Variants in MICALL2 observed in about 807,000 individuals in gnomAD.
MICALL2 encodes MICAL-like protein 2.
Under a neutral mutation model 91.1 loss-of-function variants are expected in MICALL2, and 111 were observed. The observed-to-expected ratio is 1.22, with a 90% CI of 1.04 to 1.43. MICALL2 has a LOEUF of 1.43. MICALL2 is among the 40% of genes most tolerant of loss of function. MICALL2 has a pLI of 0.00. For missense variants in MICALL2, 1,556 were observed against 1,236.0 expected (o/e 1.26, Z -3.88); for synonymous variants, 694 against 525.3 (o/e 1.32, Z -4.39).
chr7:1,446,276 A>G (rs911194872), intron 5 of MICALL2, among the ~76,000 whole-genome samples: 42 of 20,550 alleles, frequency 2.0e-3, no homozygotes, highest in South Asian at 4.0e-3. Flanking sequence ...GGAGGGAGAG[A>G]AGGGGGGAGG....
Position 1,450,308 on chromosome 7 carries a change from T to C in MICALL2, c.144-20A>G, listed in dbSNP as rs774450161. 1.2e-6 allele frequency: 2 copies of C among 1,610,492 alleles called. No homozygotes were observed. Among genetic ancestry groups the C allele is most frequent in the Non-Finnish European group, 1.7e-6 (2 of 1,177,714 alleles). The stretch of plus-strand genomic sequence containing the variant: ...AAGTTTCTGGAAGATAAAAACATGA[T>C]GTCCAAAGCAGCTCAGAGTCCACGA... On this transcript the variant is annotated intron_variant, in intron 1 of 16. Coordinates refer to ENST00000297508, the MANE Select transcript of MICALL2 (RefSeq NM_182924.4).
Position 1,440,630 on chromosome 7 carries a change from G to A in MICALL2, c.1766C>T (p.Ala589Val), listed in dbSNP as rs754921572. The A allele has an allele frequency of 1.3e-5, 21 of 1,612,638 alleles. No individual in the cohort carries two copies. The highest frequency in any genetic ancestry group is 3.3e-5 in the Admixed American group (2 of 60,020). ...GQEDGPAGWR[A>V]NLKPVDRRSP... ...TCTCCTGTCCACGGGCTTCAGATTC[G>A]CTCTCCATCCTGCCGGCCCGTCCTC... is the stretch of plus-strand genomic sequence containing the variant. The change falls in exon 8 of 17, where the codon GCG becomes GTG. Residue 589 changes from alanine to valine, a missense_variant. By Grantham distance (64) the Ala-to-Val change is moderately conservative. Transcript: ENST00000297508.
At position 1,444,639 on chromosome 7, in the gene MICALL2, C is replaced by T. The variant is rs1294170060; in HGVS notation, c.1418+13G>A. 6.2e-7 allele frequency: 1 copy of T among 1,604,644 alleles called. No homozygotes were observed. The highest frequency in any genetic ancestry group is 1.9e-4 in the Middle Eastern group (1 of 5,334). ...AGGCCATACCCGGGGTCCCTCGGTCCCCACGCGCTCACCTGCCAGGCGCCG... is the reference window on the plus strand; with the variant it reads ...AGGCCATACCCGGGGTCCCTCGGTCTCCACGCGCTCACCTGCCAGGCGCCG... On this transcript the variant is annotated intron_variant, in intron 6 of 16. Coordinates refer to ENST00000297508, the MANE Select transcript of MICALL2 (RefSeq NM_182924.4).
chr7:1,459,093 C>G, intron 1 of MICALL2, 91 bp downstream of exon 1: 10 of 1,372,438 alleles, frequency 7.3e-6, no homozygotes, highest in Non-Finnish European at 9.9e-6. Context: ...CTCGGCTCCC[C>G]ATCCCCCAGC....
At position 1,439,704 on chromosome 7, in the gene MICALL2, A is replaced by G. The variant is rs370778520; in HGVS notation, c.1966+221T>C. On this transcript the variant is annotated intron_variant, in intron 9 of 16. Transcript: ENST00000297508. ...ACACATGCGCACACATGCATCACGC[A>G]TGGATACAGGCATCACATACATGAA... The G allele has an allele frequency of 2.8e-5, 12 of 434,794 alleles. No homozygotes were observed. In the East Asian group the frequency reaches 2.9e-4, roughly 10 times the overall value. The allele number at this position is 434,794 out of a possible 1,614,324, so 26.9% of individuals were successfully genotyped here.
Position 1,459,330 on chromosome 7 carries a change from GGCGGCGCGCCCGCCGC to G in MICALL2, c.-20_-5del. On this transcript the variant is annotated 5_prime_UTR_variant, in exon 1 of 17. Coordinates refer to ENST00000297508, the MANE Select transcript of MICALL2 (RefSeq NM_182924.4). ...GCAGCGCCCTGATGGCCGCCATGTG[GGCGGCGCGCCCGCCGC>G]GCGGCGGAACCGCCCTCCGACACCT... is the stretch of plus-strand genomic sequence containing the variant. The G allele has an allele frequency of 6.6e-7, 1 of 1,524,834 alleles. No homozygotes were observed. The highest frequency in any genetic ancestry group is 8.8e-7 in the Non-Finnish European group (1 of 1,139,402). 94.5% of individuals were successfully genotyped at this position (1,524,834 alleles called of 1,614,324 possible).
Position 1,437,595 on chromosome 7 carries a change from G to C in MICALL2, c.2416C>G (p.Arg806Gly). 6.5e-7 allele frequency: 1 copy of C among 1,538,606 alleles called. No homozygotes were observed. The highest frequency in any genetic ancestry group is 8.7e-7 in the Non-Finnish European group (1 of 1,146,066). ...ATGTCCAGCTGCTGCTCCTCCAGACGCTGGGCCTTGGACCTGCCGCACAGA... is the reference window on the plus strand; with the variant it reads ...ATGTCCAGCTGCTGCTCCTCCAGACCCTGGGCCTTGGACCTGCCGCACAGA... ...SELMYKSKAQ[R>G]LEEQQLDIEG... The change falls in exon 14 of 17, where the codon CGT becomes GGT. Residue 806 changes from arginine to glycine, a missense_variant. By Grantham distance (125) the Arg-to-Gly change is moderately radical. Coordinates refer to ENST00000297508, the MANE Select transcript of MICALL2 (RefSeq NM_182924.4).
chr7:1,447,823 T>C, intron 3 of MICALL2, 58 bp from the exon 4 acceptor site: 1 of 1,344,778 alleles, frequency 7.4e-7, no homozygotes, highest in African/African-American at 1.5e-5. Context: ...AAGGGTCTAG[T>C]CCCTCCAGAG....
At chr7:1,435,820 T>C (rs531289199) in intron 15 of MICALL2, among the ~76,000 whole-genome samples, 59 of 151,664 alleles carry the variant, frequency 3.9e-4, no homozygotes, top group Admixed American at 9.8e-4. Context: ...TTTGGGAGGC[T>C]GAGGCGGGCG....
intron 8 of MICALL2, 94 bp downstream of exon 8, chr7:1,440,497 G>A (rs1450113655): frequency 1.6e-5 from 18 of 1,134,770 alleles, no homozygotes; most frequent in Non-Finnish European, 1.8e-5. Context: ...GTCTATCCCT[G>A]GATAGGCGTG....
chr7:1,444,526 G>T, intron 6 of MICALL2, 126 bp downstream of exon 6: 2 of 922,590 alleles, frequency 2.2e-6, no homozygotes, highest in Non-Finnish European at 3.2e-6. Context: ...ACAGGCTGGG[G>T]GAAGTGCAGT....
chr7:1,449,693 A>G (rs952729325), intron 2 of MICALL2, among the ~76,000 whole-genome samples: 1 of 152,374 alleles, frequency 6.6e-6, no homozygotes, highest in East Asian at 1.9e-4. Flanking sequence ...AGCACAGGAC[A>G]TGCCTGCAGG....
At position 1,438,289 on chromosome 7, in the gene MICALL2, C is replaced by A; in HGVS notation, c.2187G>T (p.Arg729Ser). The A allele has an allele frequency of 6.3e-7, 1 of 1,597,878 alleles. No individual in the cohort carries two copies. Among genetic ancestry groups the A allele is most frequent in the Non-Finnish European group, 8.5e-7 (1 of 1,172,878 alleles). The part of the protein sequence containing the change: ...LPGETVTSPV[R>S]LHPDYLSPEE... ...TGCCCGGCTCCCCACCACTACTCAC[C>A]CTGACTGGGGAGGTCACCGTCTCGC... The change falls in exon 11 of 17, where the codon AGG (arginine) becomes AGT (serine). Residue 729 changes from arginine (R) to serine (S), a missense_variant and splice_region_variant. Physicochemically the swap from Arg to Ser is moderately radical, Grantham distance 110. Coordinates refer to ENST00000297508, the MANE Select transcript of MICALL2 (RefSeq NM_182924.4).
intron 6 of MICALL2, among the ~76,000 whole-genome samples, chr7:1,442,923 C>T (rs1227591812): frequency 6.6e-6 from 1 of 152,120 alleles, no homozygotes; most frequent in African/African-American, 2.4e-5. Context: ...TCCCATGTGA[C>T]ACAGTCTCTC....
chr7:1,442,686 C>CCACCCCTCCACCTCCCCCACCAT (rs1780363880), intron 6 of MICALL2, among the ~76,000 whole-genome samples: 1 of 140,558 alleles, frequency 7.1e-6, no homozygotes, highest in Admixed American at 6.9e-5. Context: ...TTGCACCAGG[C>CCACCCCTCCACCTCCCCCACCAT]TGCCCCTCTG....
chr7:1,445,426 C>T lies in MICALL2; in HGVS notation c.644G>A (p.Cys215Tyr). The T allele has an allele frequency of 6.5e-7, 1 of 1,531,678 alleles. No individual in the cohort carries two copies. The highest frequency in any genetic ancestry group is 1.2e-5 in the South Asian group (1 of 83,976). 94.9% of individuals were successfully genotyped at this position (1,531,678 alleles called of 1,614,324 possible). A position where few individuals can be genotyped will look rare whatever the true frequency, so the allele number is the denominator to read the frequency against. The change falls in exon 6 of 17, where the codon TGT (cysteine) becomes TAT (tyrosine). Residue 215 changes from cysteine to tyrosine, a missense_variant and splice_region_variant. Transcript: ENST00000297508. ...GRLYHRSCFRCKQCSCTLHSG... is the reference protein window; with the variant it reads ...GRLYHRSCFRYKQCSCTLHSG... Reference sequence around the variant, plus strand: ...GTGCAGCGTGCAGGAGCACTGCTTACACCTGGGGGAGGAAAGGCACAGGAG... The same window carrying T: ...GTGCAGCGTGCAGGAGCACTGCTTATACCTGGGGGAGGAAAGGCACAGGAG...
At chr7:1,437,096 T>C (rs543620340) in intron 14 of MICALL2, 2 of 492,900 alleles carry the variant, frequency 4.1e-6, no homozygotes, top group South Asian at 6.1e-5. Context: ...GCTGCAGAGA[T>C]ATGGACACTG....
At chr7:1,440,921 AAC>A (rs902340165) in intron 7 of MICALL2, 17 of 527,156 alleles carry the variant, frequency 3.2e-5, no homozygotes, top group African/African-American at 2.7e-4. Flanking sequence ...TCTGGGCCTC[AAC>A]TTCCCCTTCT....
At chr7:1,442,545 C>G in intron 6 of MICALL2, 61 bp from the exon 7 acceptor site, 1 of 1,470,066 alleles carries the variant, frequency 6.8e-7, no homozygotes, top group Non-Finnish European at 9.1e-7. Flanking sequence ...CACCATCACC[C>G]GAGGCCGCCC....
Sources: gnomAD v4.1 joint callset for allele counts (sites outside exome capture counted in the v4.1 genomes callset) on GRCh38, gnomAD v4.1.1 for gene constraint, MANE v1.5 for transcripts, NCBI Gene and HGNC (gene_info 2026-07-23, HGNC 2026-07-21) for gene names.